The following IFT140 variants were observed in gnomAD, a reference collection of about 807,000 sequenced individuals.
IFT140 encodes the protein intraflagellar transport protein 140 homolog.
A neutral mutation model predicts 164.6 loss-of-function variants in IFT140; 133 were observed. The ratio of observed to expected loss-of-function variants is 0.81; its 90% CI spans 0.70 to 0.93. The LOEUF is 0.93. IFT140 is among the 40% of genes least tolerant of loss of function. The probability of loss-of-function intolerance (pLI) is 0.00; values close to 1 mark genes in which losing one functional copy is unlikely to be tolerated. For missense variants in IFT140, 2,045 were observed against 1,972.3 expected, an observed-to-expected ratio of 1.04 and a Z score of -0.70; for synonymous variants, 860 against 817.3, an observed-to-expected ratio of 1.05 and a Z score of -0.89.
At chr16:1,541,388 C>T in intron 19 of IFT140, 1 of 985,456 alleles carries the variant, frequency 1.0e-6, no homozygotes, top group Non-Finnish European at 1.2e-6. Context: ...TCCCAAGTCC[C>T]TCAGCTGCTG....
At chr16:1,589,577 G>C in intron 7 of IFT140, 28 bp downstream of exon 7, 2 of 1,603,230 alleles carry the variant, frequency 1.2e-6, no homozygotes, top group Non-Finnish European at 8.5e-7. Flanking sequence ...GATCCCCAGC[G>C]TGAGCCCCCA....
rs886042485 is a variant in IFT140 at position 1,592,313 on chromosome 16, A to G, written c.497T>C (p.Leu166Pro). The change falls in exon 6 of 31, where the codon CTG becomes CCG. Residue 166 changes from leucine to proline, a missense_variant. Leu to Pro is a moderately conservative substitution (Grantham distance 98). Transcript: ENST00000426508. Reference sequence around the variant, plus strand: ...CACAGCTGCCTTTGCCAACTGAACCAGGTCCCTGAAAGCAAACACGACACG... The same window carrying G: ...CACAGCTGCCTTTGCCAACTGAACCGGGTCCCTGAAAGCAAACACGACACG... ...IFRLPPPGEDLVQLAKAAVSG... is the reference protein window; with the variant it reads ...IFRLPPPGEDPVQLAKAAVSG... 1 of 1,614,158 alleles carries G rather than the reference A, an allele frequency of 6.2e-7. No homozygotes were observed. Among genetic ancestry groups the G allele is most frequent in the Non-Finnish European group, 8.5e-7 (1 of 1,180,026 alleles).
chr16:1,546,441 C>G lies in IFT140; in HGVS notation c.2399+11494G>C, dbSNP rs368862537. Among the ~76,000 whole-genome samples, 19 of 152,320 alleles carry G rather than the reference C, an allele frequency of 1.2e-4. No individual in the cohort carries two copies. In the South Asian group the frequency reaches 3.5e-3, roughly 28 times the overall value. ...AGCTGTGAGTGCCTGGACGAGCCCC[C>G]CTTCCCCTGGTGTGATCTGTGCAGT... On this transcript the variant is annotated intron_variant, in intron 19 of 30. Transcript: ENST00000426508.
chr16:1,607,559 A>G (rs1702367948), intron 2 of IFT140, among the ~76,000 whole-genome samples: 1 of 152,218 alleles, frequency 6.6e-6, no homozygotes, highest in African/African-American at 2.4e-5. Context: ...AAAGGAGGAA[A>G]GAAAGAAAAG....
intron 30 of IFT140, among the ~76,000 whole-genome samples, chr16:1,513,867 G>A (rs922262565): frequency 4.9e-5 from 7 of 142,858 alleles, no homozygotes; most frequent in South Asian, 2.4e-4. Context: ...TAGAGACGGG[G>A]TTTCACCGTG....
chr16:1,518,441 A>C, intron 29 of IFT140, 84 bp from the exon 30 acceptor site: 1 of 1,367,516 alleles, frequency 7.3e-7, no homozygotes, highest in Non-Finnish European at 9.8e-7. Context: ...CTTGGCCTGT[A>C]AGAGGAGCTC....
At chr16:1,590,897 C>CT (rs1229594401) in intron 6 of IFT140, among the ~76,000 whole-genome samples, 1 of 152,166 alleles carries the variant, frequency 6.6e-6, no homozygotes. Context: ...TCCCAGGTGA[C>CT]TGAGGCCACA....
chr16:1,561,896 A>T, intron 18 of IFT140, 89 bp downstream of exon 18: 1 of 1,352,630 alleles, frequency 7.4e-7, no homozygotes, highest in Non-Finnish European at 9.8e-7. Context: ...GGGCTAACTC[A>T]CATTTCAGCT....
In IFT140 at chr16:1,564,752, C is replaced by T. The variant is rs1338277132; in HGVS notation, c.1902-590G>A. ...GAGGAGGCCTATGAGCCTCATTCGCCGCCCCCAGGGTGTCACGAACCCAGG... is the reference window on the plus strand; with the variant it reads ...GAGGAGGCCTATGAGCCTCATTCGCTGCCCCCAGGGTGTCACGAACCCAGG... On this transcript the variant is annotated intron_variant, in intron 16 of 30. Coordinates refer to ENST00000426508, the MANE Select transcript of IFT140 (RefSeq NM_014714.4). The surrounding 1 kb of genome is among the most constrained non-coding windows in gnomAD (Gnocchi z 5.5). 6.6e-6 allele frequency among the ~76,000 whole-genome samples: 1 copy of T among 152,208 alleles called. No individual in the cohort carries two copies. Among genetic ancestry groups the T allele is most frequent in the Non-Finnish European group, 1.5e-5 (1 of 68,040 alleles).
At chr16:1,596,643 G>A (rs768068474) in intron 4 of IFT140, among the ~76,000 whole-genome samples, 2 of 152,172 alleles carry the variant, frequency 1.3e-5, no homozygotes, top group African/African-American at 2.4e-5. Flanking sequence ...ACCAACTCAG[G>A]GGAAAGGAAA....
At chr16:1,608,595 T>C (rs942405683) in intron 2 of IFT140, among the ~76,000 whole-genome samples, 2 of 136,174 alleles carry the variant, frequency 1.5e-5, no homozygotes, top group African/African-American at 2.8e-5. Context: ...ATCGCGCCAC[T>C]GTACTCCAGC....
Position 1,553,507 on chromosome 16 carries a change from A to G in IFT140, c.2399+4428T>C, listed in dbSNP as rs1256803132. 1.0e-5 allele frequency: 10 copies of G among 992,184 alleles called. No homozygotes were observed. Among genetic ancestry groups the G allele is most frequent in the Non-Finnish European group, 1.2e-5 (10 of 833,686 alleles). 61.5% of individuals were successfully genotyped at this position (992,184 alleles called of 1,614,324 possible). On this transcript the variant is annotated intron_variant, in intron 19 of 30. Transcript: ENST00000426508. The surrounding 1 kb of genome is among the most constrained non-coding windows in gnomAD (Gnocchi z 4.4). ...CAGCAGTGGGGCTCGGCGTGGCCGG[A>G]GCCTGGGGAGGGACATGGACAAGTC...
chr16:1,520,894 C>T, intron 26 of IFT140, 86 bp from the exon 27 acceptor site: 1 of 1,294,900 alleles, frequency 7.7e-7, no homozygotes, highest in South Asian at 1.3e-5. Flanking sequence ...TCAGAGGAAA[C>T]CAGGCCCCTC....
In IFT140 at chr16:1,520,631, T is replaced by C; in HGVS notation, c.3631A>G (p.Lys1211Glu). The C allele has an allele frequency of 6.3e-7, 1 of 1,597,542 alleles. No individual in the cohort carries two copies. The highest frequency in any genetic ancestry group is 1.3e-5 in the African/African-American group (1 of 74,656). Residue 1211 changes from lysine to glutamate, a missense_variant, in exon 27 of 31, where the codon AAG becomes GAG. Coordinates refer to ENST00000426508, the MANE Select transcript of IFT140 (RefSeq NM_014714.4). Reference protein sequence around the residue: ...RQGSYHLATKKYTQAGNKLKA... With the variant: ...RQGSYHLATKEYTQAGNKLKA... ...AGCTTGTTGCCGGCCTGCGTGTACT[T>C]CTTGGTGGCCAGGTGGTAGCTGCCC...
rs2032674951 is a variant in IFT140 at position 1,551,909 on chromosome 16, G to C, written c.2399+6026C>G. On this transcript the variant is annotated intron_variant, in intron 19 of 30. Transcript: ENST00000426508. The surrounding 1 kb of genome is among the most constrained non-coding windows in gnomAD (Gnocchi z 4.0). ...GAGCTGTGCACTCAGAAGCCTCCCGGGTGTGTCCCTGGTGATGTCCCCGGG... is the reference window on the plus strand; with the variant it reads ...GAGCTGTGCACTCAGAAGCCTCCCGCGTGTGTCCCTGGTGATGTCCCCGGG... Among the ~76,000 whole-genome samples, 1 of 152,134 alleles carries C rather than the reference G, an allele frequency of 6.6e-6. No individual in the cohort carries two copies. The highest frequency in any genetic ancestry group is 1.5e-5 in the Non-Finnish European group (1 of 68,016).
intron 24 of IFT140, 43 bp downstream of exon 24, chr16:1,524,509 G>A (rs536066519): frequency 2.5e-6 from 4 of 1,605,006 alleles, no homozygotes; most frequent in East Asian, 2.2e-5. Context: ...TCTCCTCAGG[G>A]GACCTCGAGA....
Position 1,584,317 on chromosome 16 carries a change from A to G in IFT140, c.1259T>C (p.Met420Thr). 1 of 1,613,756 alleles carries G rather than the reference A, an allele frequency of 6.2e-7. No homozygotes were observed. Among genetic ancestry groups the G allele is most frequent in the East Asian group, 2.2e-5 (1 of 44,878 alleles). Residue 420 changes from methionine to threonine, a missense_variant, in exon 11 of 31, where the codon ATG (methionine) becomes ACG (threonine). Physicochemically the swap from Met to Thr is moderately conservative, Grantham distance 81. Transcript: ENST00000426508. Reference protein sequence around the residue: ...SSHFHQQVAAMQVSPSLLNVC... With the variant: ...SSHFHQQVAATQVSPSLLNVC... The stretch of plus-strand genomic sequence containing the variant: ...ATTCAGCAGACTCGGGGAGACCTGC[A>G]TGGCGGCCACTTGCTGGTGGAAGTG...
At chr16:1,587,754 G>C (rs539780149) in intron 8 of IFT140, among the ~76,000 whole-genome samples, 179 bp downstream of exon 8, 1 of 152,338 alleles carries the variant, frequency 6.6e-6, no homozygotes, top group Non-Finnish European at 1.5e-5. Context: ...AGGGACTCTT[G>C]GGGTCTCTTA....
Position 1,566,256 on chromosome 16 carries a change from G to A in IFT140, c.1806C>T (p.Tyr602=). ...CGGTCACTGTGTCCATTTCAACATC[G>A]TAGAAGCAGATTTTGGAATCAGGGC... The part of the protein sequence containing the change: ...DNSPDSKICF[Y]DVEMDTVTVF... The change falls in exon 16 of 31, where the codon TAC becomes TAT. Residue 602 remains tyrosine (Y), a synonymous_variant. Transcript: ENST00000426508. 1 of 1,613,646 alleles carries A rather than the reference G, an allele frequency of 6.2e-7. No individual in the cohort carries two copies. Among genetic ancestry groups the A allele is most frequent in the South Asian group, 1.1e-5 (1 of 91,064 alleles).
Sources: allele counts gnomAD v4.1 joint callset (sites outside exome capture counted in the v4.1 genomes callset), GRCh38; gene constraint gnomAD v4.1.1; non-coding constraint Gnocchi (gnomAD v3.1); transcripts MANE v1.5; gene names NCBI Gene and HGNC (gene_info 2026-07-23, HGNC 2026-07-21).